Variants in PACRG observed in about 807,000 individuals in gnomAD.
The protein encoded by PACRG is parkin coregulated gene protein.
A neutral mutation model predicts 29.7 loss-of-function variants in PACRG; 29 were observed. The ratio of observed to expected loss-of-function variants is 0.98; its 90% CI spans 0.73 to 1.33. The LOEUF (loss-of-function observed/expected upper bound fraction) is 1.33, where lower values mean the gene tolerates loss of function less well. Among genes scored for constraint, PACRG ranks in the 40% most tolerant of loss-of-function variants. The probability of loss-of-function intolerance (pLI) is 0.00; values close to 1 mark genes in which losing one functional copy is unlikely to be tolerated. For missense variants in PACRG, 279 were observed against 316.2 expected, an observed-to-expected ratio of 0.88 and a Z score of 0.89; for synonymous variants, 116 against 118.7, an observed-to-expected ratio of 0.98 and a Z score of 0.15.
At chr6:163,100,227 T>G (rs1183829236) in intron 4 of PACRG, among the ~76,000 whole-genome samples, 1 of 151,962 alleles carries the variant, frequency 6.6e-6, no homozygotes, top group Admixed American at 6.5e-5. Context: ...CCTCAGCCTC[T>G]CGTGCTGGGA....
At position 163,314,941 on chromosome 6, in the gene PACRG, A is replaced by G. The variant is rs764460310; in HGVS notation, c.728A>G (p.Asn243Ser). Residue 243 changes from asparagine to serine, a missense_variant, in exon 5 of 5, where the codon AAC becomes AGC. Transcript: ENST00000366888. ...ERYGGENAFI[N>S]IKYVVPTYES... Reference sequence around the variant, plus strand: ...TACGGAGGAGAAAATGCCTTTATCAACATTAAGTACGTGGTCCCAACCTAC... The same window carrying G: ...TACGGAGGAGAAAATGCCTTTATCAGCATTAAGTACGTGGTCCCAACCTAC... 5 of 1,614,088 alleles carry G rather than the reference A, an allele frequency of 3.1e-6. No homozygotes were observed. Among genetic ancestry groups the G allele is most frequent in the East Asian group, 4.5e-5 (2 of 44,894 alleles).
At chr6:162,907,662 T>G (rs1796022803) in intron 2 of PACRG, among the ~76,000 whole-genome samples, 1 of 152,122 alleles carries the variant, frequency 6.6e-6, no homozygotes, top group Admixed American at 6.5e-5. Flanking sequence ...TTAAGACTCT[T>G]AAGAAAGATT....
intron 1 of PACRG, among the ~76,000 whole-genome samples, chr6:162,752,999 A>G (rs543986483): frequency 1.3e-5 from 2 of 152,202 alleles, no homozygotes; most frequent in East Asian, 1.9e-4. Flanking sequence ...CCATAATTCT[A>G]TCATTTTGGG....
intron 4 of PACRG, among the ~76,000 whole-genome samples, chr6:163,220,051 T>C (rs1303185014): frequency 6.6e-6 from 1 of 152,228 alleles, no homozygotes. Flanking sequence ...GCATTAGCTC[T>C]CTTTCTCCCT....
chr6:162,852,029 A>AAGGG (rs1469920965), intron 2 of PACRG, among the ~76,000 whole-genome samples: 2 of 148,618 alleles, frequency 1.3e-5, no homozygotes, highest in Non-Finnish European at 3.0e-5. Context: ...GGAAGGAAGG[A>AAGGG]AGGAAGGAAA....
At chr6:163,081,020 C>G (rs1293262983) in intron 3 of PACRG, among the ~76,000 whole-genome samples, 2 of 152,080 alleles carry the variant, frequency 1.3e-5, no homozygotes, top group African/African-American at 4.8e-5. Context: ...TATGATAAAT[C>G]AGGCTGTGTC....
rs866983664 is a variant in PACRG, at chr6:162,951,593, C to G, written c.292-110557C>G. The stretch of plus-strand genomic sequence containing the variant: ...ATCTTTCTGAGAACAGAGTACCTGA[C>G]CACTCCCTCTCACAGCTATTGCTGC... On this transcript the variant is annotated intron_variant, in intron 2 of 4. Transcript: ENST00000366888. Among the ~76,000 whole-genome samples, 5 of 152,322 alleles carry G rather than the reference C, an allele frequency of 3.3e-5. 1 individual carries two copies. The Middle Eastern group carries it at 0.017, about 518-fold the overall frequency.
chr6:162,984,855 T>C (rs1008670882), intron 2 of PACRG, among the ~76,000 whole-genome samples: 4 of 112,906 alleles, frequency 3.5e-5, no homozygotes, highest in Non-Finnish European at 5.3e-5. Flanking sequence ...TTTGATGCGA[T>C]TGGTTTTTTT....
intron 3 of PACRG, among the ~76,000 whole-genome samples, chr6:163,078,511 A>C: frequency 7.2e-6 from 1 of 139,512 alleles, no homozygotes; most frequent in East Asian, 2.2e-4. Context: ...AAAGGGGGGG[A>C]GGGGGGCAAT....
intron 2 of PACRG, among the ~76,000 whole-genome samples, chr6:163,001,202 T>A (rs1161514404): frequency 6.6e-6 from 1 of 152,196 alleles, no homozygotes; most frequent in Admixed American, 6.5e-5. Flanking sequence ...ACCTATTTGA[T>A]GCACTGTCCA....
chr6:163,060,775 T>G (rs1272459033), intron 2 of PACRG: 1 of 152,108 alleles, frequency 6.6e-6, no homozygotes, highest in Non-Finnish European at 1.5e-5. Flanking sequence ...GATGATGGGT[T>G]CATTACGAGT....
At chr6:162,925,053 A>G (rs953379491) in intron 2 of PACRG, among the ~76,000 whole-genome samples, 89 of 152,320 alleles carry the variant, frequency 5.8e-4, no homozygotes, top group African/African-American at 2.0e-3. Context: ...CAAATACACT[A>G]GAAAATCTAG....
chr6:162,902,338 T>A (rs1299237889), intron 2 of PACRG, among the ~76,000 whole-genome samples: 1 of 152,260 alleles, frequency 6.6e-6, no homozygotes, highest in Non-Finnish European at 1.5e-5. Flanking sequence ...GTAAACCTTT[T>A]ACTGTTTTGT....
In PACRG at chr6:162,775,062, A is replaced by G. The variant is rs980985668; in HGVS notation, c.157-39085A>G. Among the ~76,000 whole-genome samples the G allele has an allele frequency of 2.0e-5, 3 of 152,282 alleles. No homozygotes were observed. The South Asian group carries it at 6.2e-4, about 32-fold the overall frequency. The stretch of plus-strand genomic sequence containing the variant: ...AAGGTGCGGCCTTGGAGAGGTGATG[A>G]GGTCATGAGTATGGAGGCCTCATGA... On this transcript the variant is annotated intron_variant, in intron 1 of 4. Transcript: ENST00000366888.
intron 3 of PACRG, among the ~76,000 whole-genome samples, chr6:163,081,926 CA>C (rs1813122945): frequency 2.0e-5 from 3 of 151,626 alleles, no homozygotes; most frequent in Admixed American, 2.0e-4. Flanking sequence ...GTCACCTGAC[CA>C]AAAAAGGAGA....
At chr6:162,737,522 T>C (rs1780257923) in intron 1 of PACRG, among the ~76,000 whole-genome samples, 1 of 152,208 alleles carries the variant, frequency 6.6e-6, no homozygotes, top group South Asian at 2.1e-4. Flanking sequence ...TGTGTTCTTT[T>C]TCTTTTTGTG....
At chr6:162,898,538 C>T (rs575435720) in intron 2 of PACRG, among the ~76,000 whole-genome samples, 2 of 152,296 alleles carry the variant, frequency 1.3e-5, no homozygotes, top group South Asian at 4.1e-4. Context: ...TGAACACAGG[C>T]TCTGGAGCGA....
chr6:163,281,094 G>A (rs984177457), intron 4 of PACRG, among the ~76,000 whole-genome samples: 6 of 152,138 alleles, frequency 3.9e-5, no homozygotes, highest in African/African-American at 1.4e-4. Flanking sequence ...TGCTCCAGGT[G>A]CAGAAGCCAG....
At chr6:163,298,941 G>A (rs1256653768) in intron 4 of PACRG, among the ~76,000 whole-genome samples, 2 of 152,132 alleles carry the variant, frequency 1.3e-5, no homozygotes, top group Admixed American at 6.5e-5. Flanking sequence ...GGATCATCGT[G>A]CCTGTAGTGG....
Sources: allele counts gnomAD v4.1 joint callset (sites outside exome capture counted in the v4.1 genomes callset), GRCh38; gene constraint gnomAD v4.1.1; transcripts MANE v1.5; gene names NCBI Gene and HGNC (gene_info 2026-07-23, HGNC 2026-07-21).